Variants in GTF2F2 observed in about 807,000 individuals in gnomAD.
GTF2F2 encodes ATP-dependent helicase GTF2F2.
A neutral mutation model predicts 42.2 loss-of-function variants in GTF2F2; 23 were observed. The ratio of observed to expected loss-of-function variants is 0.55; its 90% CI spans 0.39 to 0.77. The LOEUF is 0.77. GTF2F2 is among the 30% of genes least tolerant of loss of function. GTF2F2 has a pLI of 0.00. For synonymous variants in GTF2F2, 105 were observed against 100.8 expected (o/e 1.04, Z -0.25); for missense variants, 261 against 287.2 (o/e 0.91, Z 0.66).
chr13:45,262,228 A>G (rs1734961542), intron 6 of GTF2F2, among the ~76,000 whole-genome samples: 1 of 151,940 alleles, frequency 6.6e-6, no homozygotes, highest in South Asian at 2.1e-4. Context: ...TTAAAAATTG[A>G]CTGGGTATGG....
At chr13:45,230,361 G>C (rs1312448839) in intron 5 of GTF2F2, among the ~76,000 whole-genome samples, 2 of 152,270 alleles carry the variant, frequency 1.3e-5, no homozygotes, top group East Asian at 3.9e-4. Flanking sequence ...TACTGGAAAG[G>C]GTGGTTGGAG....
intron 5 of GTF2F2, among the ~76,000 whole-genome samples, chr13:45,217,067 G>A (rs1218988929): frequency 2.0e-5 from 3 of 151,690 alleles, no homozygotes; most frequent in East Asian, 2.0e-4. Flanking sequence ...TTGGGAGGCC[G>A]AGGCAGGTGA....
chr13:45,143,571 T>C (rs1437404568), intron 2 of GTF2F2, among the ~76,000 whole-genome samples: 2 of 152,232 alleles, frequency 1.3e-5, no homozygotes, highest in Admixed American at 6.5e-5. Flanking sequence ...TTGTGTCTAA[T>C]GTGGTGTGGG....
chr13:45,245,939 CAAAAAAAAA>C (rs562692270), intron 5 of GTF2F2, among the ~76,000 whole-genome samples: 3 of 74,818 alleles, frequency 4.0e-5, no homozygotes, highest in Admixed American at 1.5e-4. Flanking sequence ...GACTCCATCT[CAAAAAAAAA>C]AAAAAAAAGT....
intron 4 of GTF2F2, among the ~76,000 whole-genome samples, chr13:45,191,224 A>AAAAAAAATATATATATATATATATATAT: frequency 1.1e-4 from 8 of 75,292 alleles, no homozygotes; most frequent in Admixed American, 1.4e-4. Flanking sequence ...ACAAAAAAAA[A>AAAAAAAATATATATATATATATATATAT]ATATATATAT....
chr13:45,165,517 G>T (rs1201177069), intron 4 of GTF2F2, among the ~76,000 whole-genome samples: 1 of 151,270 alleles, frequency 6.6e-6, no homozygotes, highest in Non-Finnish European at 1.5e-5. Context: ...AGATTTACTT[G>T]TAGGATTTTT....
chr13:45,149,586 TGA>T (rs1201391714), intron 2 of GTF2F2, among the ~76,000 whole-genome samples, 182 bp from the exon 3 acceptor site: 2 of 152,286 alleles, frequency 1.3e-5, no homozygotes, highest in Middle Eastern at 3.4e-3. Context: ...GTGATTAATG[TGA>T]GTTTATTTTT....
rs1157972776 is a variant in GTF2F2 at position 45,278,816 on chromosome 13, CTTTTTTTTTTTT to C, written c.631-4612_631-4601del. Among the ~76,000 whole-genome samples the C allele has an allele frequency of 1.4e-4, 9 of 62,304 alleles. No homozygotes were observed. In the South Asian group the frequency reaches 1.9e-3, roughly 13 times the overall value. The allele number at this position is 62,304 out of a possible 152,430, so 40.9% of individuals were successfully genotyped here. A position where few individuals can be genotyped will look rare whatever the true frequency, so the allele number is the denominator to read the frequency against. On this transcript the variant is annotated intron_variant, in intron 7 of 7. Coordinates refer to ENST00000340473, the MANE Select transcript of GTF2F2 (RefSeq NM_004128.3). The stretch of plus-strand genomic sequence containing the variant: ...CCTGCCAATTTGCCTTTTTCTTTTT[CTTTTTTTTTTTT>C]TTTTTTTTTTTTTGAGGTGGAATCT...
chr13:45,191,040 A>G (rs1438064986), intron 4 of GTF2F2, among the ~76,000 whole-genome samples: 3 of 150,866 alleles, frequency 2.0e-5, no homozygotes, highest in Admixed American at 2.0e-4. Flanking sequence ...CTCGTGTTTC[A>G]TTTGTTCTGT....
At chr13:45,175,424 A>G (rs1871827081) in intron 4 of GTF2F2, among the ~76,000 whole-genome samples, 3 of 152,214 alleles carry the variant, frequency 2.0e-5, no homozygotes, top group Non-Finnish European at 4.4e-5. Flanking sequence ...TCTCTTCAAC[A>G]TACTGATTTC....
chr13:45,147,648 G>A (rs1870263243), intron 2 of GTF2F2, among the ~76,000 whole-genome samples: 1 of 152,164 alleles, frequency 6.6e-6, no homozygotes, highest in Admixed American at 6.5e-5. Flanking sequence ...ACAAAGAAGA[G>A]ACTGACATTG....
intron 5 of GTF2F2, among the ~76,000 whole-genome samples, chr13:45,252,137 G>T (rs970012841): frequency 1.3e-5 from 2 of 152,104 alleles, no homozygotes; most frequent in African/African-American, 4.8e-5. Flanking sequence ...CAAAAGCAGT[G>T]TTTTGAGTTA....
intron 5 of GTF2F2, among the ~76,000 whole-genome samples, chr13:45,212,544 C>T (rs9595261): frequency 7.0e-6 from 1 of 143,478 alleles, no homozygotes; most frequent in African/African-American, 2.6e-5. Flanking sequence ...CTCACTTTCT[C>T]TCTCTCTCTT....
At chr13:45,224,336 G>C (rs1253983993) in intron 5 of GTF2F2, among the ~76,000 whole-genome samples, 1 of 152,136 alleles carries the variant, frequency 6.6e-6, no homozygotes, top group Non-Finnish European at 1.5e-5. Flanking sequence ...AAAGAATCCA[G>C]TTTAAAAATT....
chr13:45,167,694 C>T lies in GTF2F2; in HGVS notation c.304+15863C>T, dbSNP rs543018556. Reference sequence around the variant, plus strand: ...GATTACAGGCGTGAGCCACCGTGCCCGGCCCCCCAGCTGATTTTTGTGTTT... The same window carrying T: ...GATTACAGGCGTGAGCCACCGTGCCTGGCCCCCCAGCTGATTTTTGTGTTT... On this transcript the variant is annotated intron_variant, in intron 4 of 7. Transcript: ENST00000340473. Among the ~76,000 whole-genome samples, 145 of 152,146 alleles carry T rather than the reference C, an allele frequency of 9.5e-4. 1 individual carries two copies. Among genetic ancestry groups the T allele is most frequent in the African/African-American group, 3.0e-3 (124 of 41,522 alleles).
At chr13:45,226,199 A>G (rs1874345616) in intron 5 of GTF2F2, among the ~76,000 whole-genome samples, 1 of 152,184 alleles carries the variant, frequency 6.6e-6, no homozygotes, top group African/African-American at 2.4e-5. Flanking sequence ...ATACGAATTC[A>G]GTACCATGTG....
intron 5 of GTF2F2, among the ~76,000 whole-genome samples, chr13:45,237,474 GATA>G (rs1875049534): frequency 6.6e-6 from 1 of 152,176 alleles, no homozygotes; most frequent in Admixed American, 6.5e-5. Flanking sequence ...GTACTGGAGT[GATA>G]ATAAGATGTA....
At chr13:45,136,004 T>C (rs1488914384) in intron 1 of GTF2F2, among the ~76,000 whole-genome samples, 3 of 152,264 alleles carry the variant, frequency 2.0e-5, no homozygotes, top group Admixed American at 6.5e-5. Context: ...TCTTATTGCA[T>C]GTATCCAGTT....
At chr13:45,272,783 C>G (rs1876854267) in intron 7 of GTF2F2, among the ~76,000 whole-genome samples, 1 of 149,602 alleles carries the variant, frequency 6.7e-6, no homozygotes, top group South Asian at 2.1e-4. Context: ...TGCTGCCACC[C>G]AGGCTGGAGT....
Sources: allele counts gnomAD v4.1 joint callset (sites outside exome capture counted in the v4.1 genomes callset), GRCh38; gene constraint gnomAD v4.1.1; transcripts MANE v1.5; gene names NCBI Gene and HGNC (gene_info 2026-07-23, HGNC 2026-07-21).